CRPPA: variants seen among roughly 807,000 people sequenced by gnomAD.
The protein encoded by CRPPA is CDP-L-ribitol pyrophosphorylase A.
Under a neutral mutation model 52.0 loss-of-function variants are expected in CRPPA, and 43 were observed. The observed-to-expected ratio is 0.83, with a 90% CI of 0.65 to 1.07. The LOEUF (loss-of-function observed/expected upper bound fraction) is 1.07. Ranked by LOEUF, CRPPA falls within the 50% of genes least tolerant of loss-of-function variation. CRPPA has a pLI of 0.00. For missense variants in CRPPA, 629 were observed against 551.7 expected (o/e 1.14, Z -1.40); for synonymous variants, 250 against 203.5 (o/e 1.23, Z -1.94).
rs60982484 is a variant in CRPPA, at chr7:16,130,557, G to A, written c.1252-38758C>T. 5.8e-3 allele frequency among the ~76,000 whole-genome samples: 879 copies of A among 152,198 alleles called. 10 individuals are homozygous for A. Among genetic ancestry groups the A allele is most frequent in the African/African-American group, 0.02 (842 of 41,556 alleles). ...TTTCCAAAGGGCAAGAGTCAACTCT[G>A]TAACACTGACTCCACCCCTCCTTCT... is the stretch of plus-strand genomic sequence containing the variant. On this transcript the variant is annotated intron_variant, in intron 9 of 9. Transcript: ENST00000407010.
intron 3 of CRPPA, among the ~76,000 whole-genome samples, chr7:16,333,649 T>C (rs930261287): frequency 2.0e-5 from 3 of 152,186 alleles, no homozygotes; most frequent in African/African-American, 7.2e-5. Flanking sequence ...TTAATTCAAA[T>C]GTAAGTAGAA....
intron 4 of CRPPA, among the ~76,000 whole-genome samples, chr7:16,303,411 G>T: frequency 6.9e-6 from 1 of 144,596 alleles, no homozygotes; most frequent in East Asian, 2.1e-4. Flanking sequence ...TAATAATACG[G>T]TGGGAATTTC....
intron 9 of CRPPA, among the ~76,000 whole-genome samples, chr7:16,200,056 C>T (rs961167867): frequency 6.6e-6 from 1 of 151,958 alleles, no homozygotes; most frequent in African/African-American, 2.4e-5. Context: ...TGGGATTTTA[C>T]CATGTTGGCC....
At chr7:16,271,573 G>A (rs1358906751) in intron 6 of CRPPA, among the ~76,000 whole-genome samples, 3 of 152,024 alleles carry the variant, frequency 2.0e-5, no homozygotes, top group Non-Finnish European at 2.9e-5. Context: ...CTTTCTTTCT[G>A]TGCCCCAATG....
chr7:16,127,976 T>C (rs544411070), intron 9 of CRPPA, among the ~76,000 whole-genome samples: 51 of 152,320 alleles, frequency 3.3e-4, no homozygotes, highest in African/African-American at 9.9e-4. Flanking sequence ...GCTGCCATAT[T>C]CTTTGACTAC....
intron 6 of CRPPA, chr7:16,270,305 C>T (rs919340968): frequency 6.6e-6 from 1 of 152,010 alleles, no homozygotes; most frequent in Admixed American, 6.6e-5. Flanking sequence ...AGTAATATTT[C>T]AACAGGTTCC....
intron 9 of CRPPA, among the ~76,000 whole-genome samples, chr7:16,191,083 G>A (rs987421480): frequency 6.6e-6 from 1 of 152,108 alleles, no homozygotes; most frequent in Non-Finnish European, 1.5e-5. Flanking sequence ...ATTGTTAATT[G>A]TGTTGCTATA....
At chr7:16,161,037 G>A (rs945568867) in intron 9 of CRPPA, among the ~76,000 whole-genome samples, 1 of 152,142 alleles carries the variant, frequency 6.6e-6, no homozygotes, top group Admixed American at 6.5e-5. Context: ...TGCTGAAATT[G>A]CTTATCAGCT....
At chr7:16,180,721 C>T (rs1781395735) in intron 9 of CRPPA, among the ~76,000 whole-genome samples, 1 of 151,782 alleles carries the variant, frequency 6.6e-6, no homozygotes, top group Admixed American at 6.6e-5. Flanking sequence ...AACAGAAAGC[C>T]ATAAATTCTA....
chr7:16,308,738 A>C (rs1461704823), intron 3 of CRPPA, 111 bp from the exon 4 acceptor site: 1 of 677,654 alleles, frequency 1.5e-6, no homozygotes, highest in East Asian at 2.7e-5. Flanking sequence ...AGGGGGCTCA[A>C]ACTATTTAAT....
intron 6 of CRPPA, chr7:16,269,838 A>T (rs1344049806): frequency 6.6e-6 from 1 of 152,208 alleles, no homozygotes; most frequent in Non-Finnish European, 1.5e-5. Flanking sequence ...TCCAAACTCA[A>T]TTATTAGGGA....
chr7:16,168,534 A>AACACACACAC (rs61189058), intron 9 of CRPPA, among the ~76,000 whole-genome samples: 8 of 143,162 alleles, frequency 5.6e-5, no homozygotes, highest in African/African-American at 2.1e-4. Context: ...AGTGAAGTAA[A>AACACACACAC]ACACACACAC....
chr7:16,322,404 G>C (rs1583518043), intron 3 of CRPPA, among the ~76,000 whole-genome samples: 1 of 152,002 alleles, frequency 6.6e-6, no homozygotes, highest in South Asian at 2.1e-4. Flanking sequence ...CAAATGAGAA[G>C]GCCTAAGAAC....
chr7:16,405,351 T>C (rs1006187058), intron 2 of CRPPA, among the ~76,000 whole-genome samples: 1 of 152,156 alleles, frequency 6.6e-6, no homozygotes, highest in Non-Finnish European at 1.5e-5. Context: ...CTCAGAAAGT[T>C]AAAAACACGA....
chr7:16,235,303 G>A (rs550547603), intron 8 of CRPPA, among the ~76,000 whole-genome samples: 5 of 146,074 alleles, frequency 3.4e-5, no homozygotes, highest in Admixed American at 6.7e-5. Flanking sequence ...ATAAAAACAC[G>A]TAAGTCAGTG....
chr7:16,218,051 G>A (rs1278547064), intron 8 of CRPPA, among the ~76,000 whole-genome samples: 1 of 151,888 alleles, frequency 6.6e-6, no homozygotes, highest in Admixed American at 6.6e-5. Flanking sequence ...GAAAGGTCGG[G>A]TTACCCTCAA....
chr7:16,413,031 T>A (rs1583590400), intron 1 of CRPPA, among the ~76,000 whole-genome samples: 1 of 152,178 alleles, frequency 6.6e-6, no homozygotes, highest in East Asian at 1.9e-4. Flanking sequence ...CTGAAAGCCC[T>A]CTCATCTAGT....
At chr7:16,420,932 A>G (rs1788316617) in intron 1 of CRPPA, 134 bp downstream of exon 1, 4 of 768,430 alleles carry the variant, frequency 5.2e-6, no homozygotes, top group Non-Finnish European at 7.3e-6. Context: ...GGGAGGGAAC[A>G]GAGCTCAAGC....
intron 9 of CRPPA, among the ~76,000 whole-genome samples, chr7:16,139,268 T>A (rs1053165237): frequency 1.3e-5 from 2 of 152,184 alleles, no homozygotes; most frequent in African/African-American, 2.4e-5. Context: ...TCATTAAGCT[T>A]CTTAATTTTC....
Sources: allele counts gnomAD v4.1 joint callset (sites outside exome capture counted in the v4.1 genomes callset), GRCh38; gene constraint gnomAD v4.1.1; transcripts MANE v1.5; gene names NCBI Gene and HGNC (gene_info 2026-07-23, HGNC 2026-07-21).